Variants in LRMDA observed in about 807,000 individuals in gnomAD.
LRMDA encodes the protein leucine-rich melanocyte differentiation-associated protein.
A neutral mutation model predicts 29.8 loss-of-function variants in LRMDA; 18 were observed. The observed-to-expected ratio is 0.60, with a 90% confidence interval of 0.42 to 0.90. The LOEUF (loss-of-function observed/expected upper bound fraction) is 0.90, where lower values mean the gene tolerates loss of function less well. LRMDA is among the 40% of genes least tolerant of loss of function. LRMDA has a pLI of 0.00. For missense variants in LRMDA, 273 were observed against 273.9 expected, an observed-to-expected ratio of 1.00 and a Z score of 0.02; for synonymous variants, 125 against 109.4, an observed-to-expected ratio of 1.14 and a Z score of -0.89.
At chr10:76,513,349 G>A (rs1843027119) in intron 6 of LRMDA, among the ~76,000 whole-genome samples, 1 of 152,028 alleles carries the variant, frequency 6.6e-6, no homozygotes, top group African/African-American at 2.4e-5. Context: ...GTACATTTTA[G>A]ATTTCTAATT....
intron 5 of LRMDA, among the ~76,000 whole-genome samples, chr10:76,097,800 T>A (rs112610749): frequency 0.011 from 1,750 of 152,288 alleles, 46 homozygotes; most frequent in African/African-American, 0.039. Context: ...AATATTAATA[T>A]ATTGCTAGAT....
chr10:76,388,955 T>G (rs770362646), intron 6 of LRMDA, among the ~76,000 whole-genome samples: 44 of 152,192 alleles, frequency 2.9e-4, no homozygotes, highest in Non-Finnish European at 6.0e-4. Flanking sequence ...GTTTATGCTC[T>G]TAATCAGTGG....
At chr10:76,152,676 T>C (rs1850466900) in intron 5 of LRMDA, among the ~76,000 whole-genome samples, 1 of 152,178 alleles carries the variant, frequency 6.6e-6, no homozygotes, top group African/African-American at 2.4e-5. Flanking sequence ...TTTCTCTACA[T>C]CTTCACCACT....
At chr10:76,340,538 G>C (rs201378174) in intron 6 of LRMDA, among the ~76,000 whole-genome samples, 1 of 56,406 alleles carries the variant, frequency 1.8e-5, no homozygotes, top group African/African-American at 6.9e-5. Context: ...AAAAAAAAAA[G>C]AGAGAGAGAG....
intron 2 of LRMDA, among the ~76,000 whole-genome samples, chr10:75,834,493 AATC>A (rs1844399800): frequency 6.6e-6 from 1 of 152,130 alleles, no homozygotes; most frequent in Admixed American, 6.5e-5. Context: ...GCATTTCCCA[AATC>A]ATCAAGTCCT....
Position 75,467,956 on chromosome 10 carries a change from TCACACACACACACA to T in LRMDA, c.131+29493_131+29506del, listed in dbSNP as rs61295526. 1.5e-3 allele frequency among the ~76,000 whole-genome samples: 196 copies of T among 130,056 alleles called. 2 individuals carry two copies. In the East Asian group the frequency reaches 0.019, roughly 12 times the overall value. The allele number at this position is 130,056 out of a possible 152,430, so 85.3% of individuals were successfully genotyped here. ...AGCCTGGTGACAGAGTGAGACTCCG[TCACACACACACACA>T]CACACACACACACACACACACACAC... is the stretch of plus-strand genomic sequence containing the variant. On this transcript the variant is annotated intron_variant, in intron 2 of 6. Transcript: ENST00000611255.
At chr10:75,494,750 C>T (rs1417170517) in intron 2 of LRMDA, among the ~76,000 whole-genome samples, 1 of 152,160 alleles carries the variant, frequency 6.6e-6, no homozygotes, top group Non-Finnish European at 1.5e-5. Context: ...ATCCACCCAC[C>T]TTGGCCTCCC....
intron 2 of LRMDA, among the ~76,000 whole-genome samples, chr10:75,958,556 G>A (rs1330699360): frequency 6.9e-6 from 1 of 144,154 alleles, no homozygotes; most frequent in Non-Finnish European, 1.6e-5. Context: ...TCCCCTAAGA[G>A]TTCAGGTTGA....
chr10:75,706,491 A>G (rs1466983877), intron 2 of LRMDA, among the ~76,000 whole-genome samples: 3 of 152,202 alleles, frequency 2.0e-5, no homozygotes, highest in East Asian at 1.9e-4. Flanking sequence ...TTGTATTCCT[A>G]TAGAGAATTT....
chr10:75,923,795 A>G (rs563426336), intron 2 of LRMDA, among the ~76,000 whole-genome samples: 25 of 152,234 alleles, frequency 1.6e-4, no homozygotes, highest in South Asian at 2.1e-4. Context: ...ATGACCTTCC[A>G]TTTTAGGGAT....
intron 2 of LRMDA, among the ~76,000 whole-genome samples, chr10:75,793,942 A>G (rs1909695): frequency 0.39 from 58,866 of 152,174 alleles, 13,440 homozygotes; most frequent in Non-Finnish European, 0.51. Context: ...TCTCTGTCAC[A>G]ACTCCTCAAC....
Position 76,506,165 on chromosome 10 carries a change from C to A in LRMDA, c.602-51044C>A, listed in dbSNP as rs186949244. ...TCTGTTCAAAATATGTTAGCTTACC[C>A]AATTTTTGGTCTTTCTTGGTGACAG... On this transcript the variant is annotated intron_variant, in intron 6 of 6. Transcript: ENST00000611255. Among the ~76,000 whole-genome samples the A allele has an allele frequency of 3.4e-4, 52 of 152,242 alleles. No individual in the cohort carries two copies. In the East Asian group the frequency reaches 9.9e-3, roughly 29 times the overall value.
chr10:76,324,572 G>T (rs1202931566), intron 6 of LRMDA, 87 bp downstream of exon 6: 1 of 1,183,312 alleles, frequency 8.5e-7, no homozygotes, highest in Non-Finnish European at 1.3e-6. Context: ...TGCTGCCTCG[G>T]CACTTTAGAA....
At chr10:75,649,804 A>G (rs1841574094) in intron 2 of LRMDA, among the ~76,000 whole-genome samples, 1 of 152,176 alleles carries the variant, frequency 6.6e-6, no homozygotes, top group African/African-American at 2.4e-5. Context: ...GGTGTGTGTG[A>G]TGATGGCCAT....
intron 5 of LRMDA, among the ~76,000 whole-genome samples, chr10:76,088,699 G>T (rs1482594845): frequency 2.0e-5 from 3 of 152,102 alleles, no homozygotes; most frequent in African/African-American, 7.2e-5. Context: ...AAATATATTG[G>T]TTATTTTAGC....
In LRMDA at chr10:75,866,829, C is replaced by T. The variant is rs191215407; in HGVS notation, c.132-169179C>T. On this transcript the variant is annotated intron_variant, in intron 2 of 6. Transcript: ENST00000611255. Reference sequence around the variant, plus strand: ...TAAATCTAGATCTGTTTGAAGCTAACGTCACTAAATCTTCGTCTTGACTGT... The same window carrying T: ...TAAATCTAGATCTGTTTGAAGCTAATGTCACTAAATCTTCGTCTTGACTGT... Among the ~76,000 whole-genome samples the T allele has an allele frequency of 2.9e-3, 438 of 152,272 alleles. 2 individuals carry two copies. The highest frequency in any genetic ancestry group is 0.01 in the African/African-American group (421 of 41,552).
chr10:76,204,364 TGC>T (rs1851496291), intron 5 of LRMDA, among the ~76,000 whole-genome samples: 3 of 152,238 alleles, frequency 2.0e-5, no homozygotes, highest in African/African-American at 4.8e-5. Flanking sequence ...CTATTCCATG[TGC>T]CCATCTACCC....
At chr10:75,627,766 A>G (rs367883519) in intron 2 of LRMDA, among the ~76,000 whole-genome samples, 2 of 152,342 alleles carry the variant, frequency 1.3e-5, no homozygotes, top group South Asian at 2.1e-4. Context: ...CTTGCTTCCA[A>G]TCTGGGGAAG....
Position 76,104,932 on chromosome 10 carries a change from G to A in LRMDA, c.516+46149G>A, listed in dbSNP as rs531719971. Among the ~76,000 whole-genome samples, 20 of 152,246 alleles carry A rather than the reference G, an allele frequency of 1.3e-4. No individual in the cohort carries two copies. The Middle Eastern group carries it at 0.017, about 129-fold the overall frequency. On this transcript the variant is annotated intron_variant, in intron 5 of 6. Coordinates refer to ENST00000611255, the MANE Select transcript of LRMDA (RefSeq NM_001305581.2). The stretch of plus-strand genomic sequence containing the variant: ...CATTGCTGTTTCTAGAATGTACAAA[G>A]CAAGCTCCTGCTCCAGGCCTTTGCT...
Sources: allele counts gnomAD v4.1 joint callset (sites outside exome capture counted in the v4.1 genomes callset), GRCh38; gene constraint gnomAD v4.1.1; transcripts MANE v1.5; gene names NCBI Gene and HGNC (gene_info 2026-07-23, HGNC 2026-07-21).